The following ABHD2 variants were observed in gnomAD, a reference collection of about 807,000 sequenced individuals.
The protein encoded by ABHD2 is abhydrolase domain containing 2, acylglycerol lipase.
Under a neutral mutation model 48.1 loss-of-function variants are expected in ABHD2, and 20 were observed. That is an observed-to-expected ratio of 0.42 (90% CI 0.29 to 0.60). The LOEUF (loss-of-function observed/expected upper bound fraction) is 0.60. Among genes scored for constraint, ABHD2 ranks in the 20% least tolerant of loss-of-function variants. The probability of loss-of-function intolerance (pLI) is 0.24; values close to 1 mark genes in which losing one functional copy is unlikely to be tolerated. For synonymous variants in ABHD2, 209 were observed against 214.2 expected (o/e 0.98, Z 0.21); for missense variants, 405 against 550.9 (o/e 0.74, Z 2.65).
intron 3 of ABHD2, among the ~76,000 whole-genome samples, chr15:89,127,710 T>TTATAC (rs2050152861): frequency 1.1e-5 from 1 of 88,436 alleles, no homozygotes; most frequent in African/African-American, 6.3e-5. Context: ...TATATACATA[T>TTATAC]ATATATATAC....
chr15:89,121,037 A>G (rs1484247184), intron 3 of ABHD2, among the ~76,000 whole-genome samples: 1 of 152,146 alleles, frequency 6.6e-6, no homozygotes, highest in African/African-American at 2.4e-5. Context: ...CTGTCTACTC[A>G]CGTTTGACTT....
At chr15:89,058,220 C>A in the ABHD2 span, among the ~76,000 whole-genome samples, 1 of 152,268 alleles carries the variant, frequency 6.6e-6, no homozygotes, top group South Asian at 2.1e-4. Flanking sequence ...GGCCCCAGGT[C>A]CACCCACCCA....
At chr15:89,056,907 CCT>C in the ABHD2 span, among the ~76,000 whole-genome samples, 19,047 of 118,060 alleles carry the variant, frequency 0.16, 1,371 homozygotes, top group Admixed American at 0.19. Flanking sequence ...ATAAGTGATA[CCT>C]TTTTTTTTTT....
intron 3 of ABHD2, among the ~76,000 whole-genome samples, chr15:89,140,199 T>A (rs916888475): frequency 2.6e-5 from 4 of 152,240 alleles, no homozygotes; most frequent in Non-Finnish European, 2.9e-5. Context: ...ACTCACGTGC[T>A]ATGTTAGCAG....
chr15:89,116,576 G>A lies in ABHD2; in HGVS notation c.194+55G>A. The A allele has an allele frequency of 1.3e-6, 2 of 1,550,964 alleles. No individual in the cohort carries two copies. The highest frequency in any genetic ancestry group is 1.7e-6 in the Non-Finnish European group (2 of 1,143,928). On this transcript the variant is annotated intron_variant, in intron 3 of 10. Transcript: ENST00000352732. This position sits in a 1 kb window ranked among gnomAD's most constrained non-coding sequence, Gnocchi z 4.6. The stretch of plus-strand genomic sequence containing the variant: ...CAGCTGCTGATGTATTTGGCTTTGT[G>A]TGATGTTCAAAGAAGAAACTTCTCT...
chr15:89,180,268 T>G (rs930767816), intron 6 of ABHD2, among the ~76,000 whole-genome samples: 1 of 152,154 alleles, frequency 6.6e-6, no homozygotes, highest in African/African-American at 2.4e-5. Context: ...TTTTTGTGGG[T>G]TTTTTTGTTG....
the ABHD2 span, among the ~76,000 whole-genome samples, chr15:89,054,019 A>C: frequency 1.3e-5 from 2 of 152,126 alleles, no homozygotes; most frequent in South Asian, 4.1e-4. Flanking sequence ...AAACATAGAC[A>C]AGCCAAAACA....
chr15:89,179,236 A>G lies in ABHD2; in HGVS notation c.722+3241A>G, dbSNP rs1039422123. Among the ~76,000 whole-genome samples, 1 of 152,192 alleles carries G rather than the reference A, an allele frequency of 6.6e-6. No homozygotes were observed. The highest frequency in any genetic ancestry group is 1.5e-5 in the Non-Finnish European group (1 of 68,036). On this transcript the variant is annotated intron_variant, in intron 6 of 10. Transcript: ENST00000352732. The surrounding 1 kb of genome is among the most constrained non-coding windows in gnomAD (Gnocchi z 4.3). ...GAAGCCCCTTACAGCAGGGGTCCCA[A>G]CTGCTGTTAGGAACCAGGCCGCACA...
the ABHD2 span, among the ~76,000 whole-genome samples, chr15:89,060,497 G>A: frequency 0.22 from 33,111 of 151,728 alleles, 4,566 homozygotes; most frequent in African/African-American, 0.37. Flanking sequence ...AAAAACCTAA[G>A]GACTTATCTG....
intron 5 of ABHD2, among the ~76,000 whole-genome samples, chr15:89,161,149 T>C (rs2050756344): frequency 6.6e-6 from 1 of 152,186 alleles, no homozygotes; most frequent in South Asian, 2.1e-4. Flanking sequence ...TCCGGGAGTC[T>C]AAGGTATAGC....
rs1176673067 is a variant in ABHD2 at position 89,182,515 on chromosome 15, G to C, written c.723-2909G>C. ...AACTTGGATATTCAGGCCAGGTGAA[G>C]TGCCTCACGCCTGTAATTCCAACAC... On this transcript the variant is annotated intron_variant, in intron 6 of 10. Coordinates refer to ENST00000352732, the MANE Select transcript of ABHD2 (RefSeq NM_152924.5). The surrounding 1 kb of genome is among the most constrained non-coding windows in gnomAD (Gnocchi z 4.8). Among the ~76,000 whole-genome samples the C allele has an allele frequency of 6.6e-6, 1 of 152,150 alleles. No homozygotes were observed. Among genetic ancestry groups the C allele is most frequent in the Non-Finnish European group, 1.5e-5 (1 of 68,020 alleles).
the ABHD2 span, among the ~76,000 whole-genome samples, chr15:89,075,712 C>G: frequency 6.6e-6 from 1 of 152,118 alleles, no homozygotes; most frequent in Non-Finnish European, 1.5e-5. This position sits in a 1 kb window ranked among gnomAD's most constrained non-coding sequence, Gnocchi z 4.1. Context: ...CTGGCAGCAA[C>G]TCAAGCGCTG....
At chr15:89,190,963 A>C (rs1157447670) in intron 8 of ABHD2, 117 bp from the exon 9 acceptor site, 25 of 923,036 alleles carry the variant, frequency 2.7e-5, no homozygotes, top group Non-Finnish European at 3.7e-5. Flanking sequence ...GCCTCTGTCT[A>C]CTCTACCAAT....
intron 1 of ABHD2, among the ~76,000 whole-genome samples, chr15:89,112,797 T>G (rs2049896236): frequency 6.6e-6 from 1 of 152,208 alleles, no homozygotes; most frequent in Non-Finnish European, 1.5e-5. Context: ...AGCATGGTGA[T>G]TAAGAGGAGG....
At chr15:89,162,091 A>C (rs2050771119) in intron 5 of ABHD2, among the ~76,000 whole-genome samples, 1 of 152,188 alleles carries the variant, frequency 6.6e-6, no homozygotes, top group Non-Finnish European at 1.5e-5. Flanking sequence ...TGGCTTAATT[A>C]CATCTTTAAA....
rs949714031 is a variant in ABHD2 at position 89,114,935 on chromosome 15, A to G, written c.-7+1111A>G. ...GTGGAAGACTAGTTACGGAGCTGTG[A>G]TCTTTTACTTCCATTCATTACTGAA... On this transcript the variant is annotated intron_variant, in intron 2 of 10. Coordinates refer to ENST00000352732, the MANE Select transcript of ABHD2 (RefSeq NM_152924.5). The surrounding 1 kb of genome is among the most constrained non-coding windows in gnomAD (Gnocchi z 4.2). Among the ~76,000 whole-genome samples, 4 of 152,220 alleles carry G rather than the reference A, an allele frequency of 2.6e-5. No individual in the cohort carries two copies. Among genetic ancestry groups the G allele is most frequent in the Admixed American group, 2.6e-4 (4 of 15,280 alleles).
At chr15:89,044,333 T>G in the ABHD2 span, among the ~76,000 whole-genome samples, 1 of 152,208 alleles carries the variant, frequency 6.6e-6, no homozygotes, top group Non-Finnish European at 1.5e-5. Context: ...TTCCAAGTCT[T>G]TGCTATTGTG....
intron 6 of ABHD2, among the ~76,000 whole-genome samples, chr15:89,183,077 G>A (rs778720168): frequency 6.6e-6 from 1 of 151,964 alleles, no homozygotes; most frequent in Non-Finnish European, 1.5e-5. Context: ...AGACTCTAAG[G>A]ACTTTTTCTT....
chr15:89,080,252 G>A, the ABHD2 span, among the ~76,000 whole-genome samples: 1 of 152,190 alleles, frequency 6.6e-6, no homozygotes, highest in Non-Finnish European at 1.5e-5. Flanking sequence ...CAAGGGGAGA[G>A]GAAGGCGGTA....
Sources: gnomAD v4.1 joint callset for allele counts (sites outside exome capture counted in the v4.1 genomes callset) on GRCh38, gnomAD v4.1.1 for gene constraint, Gnocchi (gnomAD v3.1) non-coding constraint, MANE v1.5 for transcripts, NCBI Gene and HGNC (gene_info 2026-07-23, HGNC 2026-07-21) for gene names.